The following TDRD5 variants were observed in gnomAD, a reference collection of about 807,000 sequenced individuals.
TDRD5 encodes the protein tudor domain containing 5.
A neutral mutation model predicts 120.6 loss-of-function variants in TDRD5; 41 were observed. The ratio of observed to expected loss-of-function variants is 0.34; its 90% confidence interval spans 0.26 to 0.44. The LOEUF is 0.44. Among genes scored for constraint, TDRD5 ranks in the 20% least tolerant of loss-of-function variants. The probability of loss-of-function intolerance (pLI) is 1.00; values close to 1 mark genes in which losing one functional copy is unlikely to be tolerated. For missense variants in TDRD5, 1,006 were observed against 1,221.2 expected, an observed-to-expected ratio of 0.82 and a Z score of 2.63; for synonymous variants, 430 against 433.7, an observed-to-expected ratio of 0.99 and a Z score of 0.11.
intron 16 of TDRD5, among the ~76,000 whole-genome samples, chr1:179,668,148 C>A (rs1423136771): frequency 6.6e-6 from 1 of 152,166 alleles, no homozygotes; most frequent in African/African-American, 2.4e-5. Context: ...GAAATGGGGT[C>A]TAATTCATAA....
chr1:179,633,731 T>C (rs913012801), intron 7 of TDRD5, among the ~76,000 whole-genome samples: 2 of 152,086 alleles, frequency 1.3e-5, no homozygotes, highest in African/African-American at 4.8e-5. Context: ...AACTTGAAAA[T>C]TTCCTAAGAA....
At position 179,593,641 on chromosome 1, in the gene TDRD5, G is replaced by T; in HGVS notation, c.414G>T (p.Glu138Asp). Residue 138 changes from glutamate (E) to aspartate (D), a missense_variant, in exon 3 of 18, where the codon GAG becomes GAT. Physicochemically the swap from Glu to Asp is conservative, Grantham distance 45. Around this residue, in one of 3 missense-constraint regions of TDRD5, gnomAD observed 445 missense variants for 515.5 expected, o/e 0.86. Transcript: ENST00000444136. ...TTCTTCCAGCTGTTGTGAAGAGTGA[G>T]TTGAAGGACCTGTTGGCGTTATCTC... Reference protein sequence around the residue: ...APILPAVVKSELKDLLALSPV... With the variant: ...APILPAVVKSDLKDLLALSPV... 2 of 1,614,256 alleles carry T rather than the reference G, an allele frequency of 1.2e-6. No individual in the cohort carries two copies. Among genetic ancestry groups the T allele is most frequent in the Non-Finnish European group, 1.7e-6 (2 of 1,180,044 alleles).
chr1:179,592,907 T>C, intron 2 of TDRD5, 60 bp downstream of exon 2: 1 of 1,501,566 alleles, frequency 6.7e-7, no homozygotes, highest in South Asian at 1.2e-5. Flanking sequence ...GCTTAGTAAA[T>C]AATTATTCTA....
At chr1:179,683,249 G>T (rs1378187108) in intron 17 of TDRD5, among the ~76,000 whole-genome samples, 3 of 152,136 alleles carry the variant, frequency 2.0e-5, no homozygotes, top group Non-Finnish European at 2.9e-5. Context: ...CTTGTTCAAT[G>T]TCTGAAAGCT....
chr1:179,595,563 C>A, intron 3 of TDRD5, 65 bp from the exon 4 acceptor site: 1 of 1,404,738 alleles, frequency 7.1e-7, no homozygotes, highest in Non-Finnish European at 9.6e-7. Context: ...TGTATGTAGC[C>A]ACCGGAAAAT....
intron 17 of TDRD5, among the ~76,000 whole-genome samples, chr1:179,669,607 T>C (rs180695140): frequency 6.6e-6 from 1 of 152,354 alleles, no homozygotes; most frequent in African/African-American, 2.4e-5. Context: ...CACTTTTGTT[T>C]TTTTGCCGGA....
intron 17 of TDRD5, among the ~76,000 whole-genome samples, chr1:179,679,075 G>A (rs1055653919): frequency 3.3e-5 from 5 of 152,080 alleles, no homozygotes; most frequent in South Asian, 2.1e-4. Context: ...ATTATGAATC[G>A]GTGTTGAATC....
At chr1:179,596,422 A>G (rs1033378118) in intron 4 of TDRD5, among the ~76,000 whole-genome samples, 1 of 152,202 alleles carries the variant, frequency 6.6e-6, no homozygotes, top group African/African-American at 2.4e-5. Context: ...TACAATCACC[A>G]TCAAAATAAA....
chr1:179,686,591 T>C (rs1680727864), intron 17 of TDRD5, among the ~76,000 whole-genome samples: 1 of 152,242 alleles, frequency 6.6e-6, no homozygotes, highest in Non-Finnish European at 1.5e-5. Context: ...CTTTTTCTAT[T>C]GATTGAAATA....
intron 17 of TDRD5, among the ~76,000 whole-genome samples, chr1:179,677,410 G>A (rs1178715148): frequency 1.3e-5 from 2 of 151,960 alleles, no homozygotes. Context: ...TGATCTTTTA[G>A]GGGTGTTAAA....
chr1:179,686,193 T>A (rs1680702958), intron 17 of TDRD5, among the ~76,000 whole-genome samples: 1 of 152,184 alleles, frequency 6.6e-6, no homozygotes, highest in Non-Finnish European at 1.5e-5. Flanking sequence ...CATAAATAGC[T>A]CTTATTATTT....
At chr1:179,615,177 G>A (rs1676498280) in intron 4 of TDRD5, among the ~76,000 whole-genome samples, 1 of 152,002 alleles carries the variant, frequency 6.6e-6, no homozygotes. Flanking sequence ...ATCGATTCAG[G>A]TCTATCTCTG....
intron 11 of TDRD5, among the ~76,000 whole-genome samples, chr1:179,643,327 G>GA (rs764162476): frequency 6.1e-4 from 92 of 150,176 alleles, no homozygotes; most frequent in African/African-American, 1.6e-3. Context: ...AGACATGGGA[G>GA]AAAAAAAAAC....
chr1:179,597,401 G>A (rs776698154), intron 4 of TDRD5, among the ~76,000 whole-genome samples: 16 of 143,230 alleles, frequency 1.1e-4, no homozygotes, highest in Non-Finnish European at 7.5e-5. Flanking sequence ...GTGCGATCTC[G>A]GCTCACTGCA....
At chr1:179,633,850 T>C (rs1393667079) in intron 7 of TDRD5, among the ~76,000 whole-genome samples, 1 of 151,904 alleles carries the variant, frequency 6.6e-6, no homozygotes. Flanking sequence ...ATCAAGATGC[T>C]GAAAAAAATT....
chr1:179,606,728 T>C (rs1342624545), intron 4 of TDRD5, among the ~76,000 whole-genome samples: 1 of 152,114 alleles, frequency 6.6e-6, no homozygotes, highest in Non-Finnish European at 1.5e-5. Context: ...TTGGTTGCTT[T>C]TGCTCCTTTA....
chr1:179,659,608 A>C (rs1159676689), intron 14 of TDRD5, among the ~76,000 whole-genome samples: 1 of 147,602 alleles, frequency 6.8e-6, no homozygotes, highest in East Asian at 2.0e-4. Flanking sequence ...CTTGCCTGGT[A>C]TATTTTTTTC....
intron 17 of TDRD5, among the ~76,000 whole-genome samples, chr1:179,673,325 A>G (rs112082576): frequency 1.3e-5 from 2 of 152,078 alleles, no homozygotes; most frequent in African/African-American, 2.4e-5. Flanking sequence ...TTGGTTAGCT[A>G]TATTCCTAAG....
At chr1:179,597,427 G>A (rs1675461232) in intron 4 of TDRD5, among the ~76,000 whole-genome samples, 1 of 151,048 alleles carries the variant, frequency 6.6e-6, no homozygotes, top group South Asian at 2.1e-4. Context: ...CGTCTCCCGG[G>A]CTCAAGTGAT....
Sources: allele counts gnomAD v4.1 joint callset (sites outside exome capture counted in the v4.1 genomes callset), GRCh38; gene constraint gnomAD v4.1.1; regional missense constraint gnomAD v4.1.1; transcripts MANE v1.5; gene names NCBI Gene and HGNC (gene_info 2026-07-23, HGNC 2026-07-21).